PDIA5: variants seen among roughly 807,000 people sequenced by gnomAD.
The protein encoded by PDIA5 is protein disulfide isomerase family A member 5.
In PDIA5, 58 loss-of-function variants were observed where a neutral mutation model predicts 77.6. The ratio of observed to expected loss-of-function variants is 0.75; its 90% CI spans 0.61 to 0.93. PDIA5 has a LOEUF of 0.93. PDIA5 is among the 40% of genes least tolerant of loss of function. The pLI is 0.00. For synonymous variants in PDIA5, 250 were observed against 252.1 expected (o/e 0.99, Z 0.08); for missense variants, 630 against 647.7 (o/e 0.97, Z 0.30).
intron 15 of PDIA5, among the ~76,000 whole-genome samples, chr3:123,160,111 G>A (rs905206680): frequency 2.6e-5 from 4 of 152,098 alleles, no homozygotes; most frequent in African/African-American, 9.7e-5. Flanking sequence ...CAAGGTCGAC[G>A]TTGTCCCCCA....
chr3:123,111,043 T>C (rs1171811541), intron 7 of PDIA5, 39 bp downstream of exon 7: 10 of 1,555,544 alleles, frequency 6.4e-6, no homozygotes, highest in Admixed American at 1.7e-5. Context: ...GCTAGTTGTT[T>C]AGTCTCTTTG....
chr3:123,146,132 G>C lies in PDIA5; in HGVS notation c.1015G>C (p.Val339Leu), dbSNP rs745623299. ...SGVLAAVDAT[V>L]NKALAERFHI... ...TGTCCTTGCAGCTGTCGATGCCACTGTCAACAAGGCCCTGGCAGAAAGATT... is the reference window on the plus strand; with the variant it reads ...TGTCCTTGCAGCTGTCGATGCCACTCTCAACAAGGCCCTGGCAGAAAGATT... The change falls in exon 13 of 17, where the codon GTC (valine) becomes CTC (leucine). Residue 339 changes from valine (V) to leucine (L), a missense_variant. Coordinates refer to ENST00000316218, the MANE Select transcript of PDIA5 (RefSeq NM_006810.4). 8.7e-6 allele frequency: 14 copies of C among 1,614,072 alleles called. No individual in the cohort carries two copies. In the African/African-American group the frequency reaches 1.5e-4, roughly 17 times the overall value.
At chr3:123,136,122 A>G (rs1935497620) in intron 11 of PDIA5, among the ~76,000 whole-genome samples, 1 of 151,964 alleles carries the variant, frequency 6.6e-6, no homozygotes, top group African/African-American at 2.4e-5. Context: ...TTTTGTAGAA[A>G]TGGAGTCTCC....
intron 16 of PDIA5, 106 bp downstream of exon 16, chr3:123,161,561 G>GCTGACT: frequency 8.0e-7 from 1 of 1,256,628 alleles, no homozygotes; most frequent in Non-Finnish European, 1.1e-6. Flanking sequence ...AACTGCAGAA[G>GCTGACT]TCAGCTGGAA....
chr3:123,073,652 T>G (rs1475532153), intron 1 of PDIA5, among the ~76,000 whole-genome samples: 1 of 152,204 alleles, frequency 6.6e-6, no homozygotes, highest in African/African-American at 2.4e-5. Flanking sequence ...AAAAGAGCCT[T>G]TATTCCTCAA....
chr3:123,146,423 T>C lies in PDIA5; in HGVS notation c.1142+164T>C, dbSNP rs535191648. Among the ~76,000 whole-genome samples, 3 of 152,354 alleles carry C rather than the reference T, an allele frequency of 2.0e-5. No homozygotes were observed. In the South Asian group the frequency reaches 6.2e-4, roughly 32 times the overall value. Reference sequence around the variant, plus strand: ...AACCCTAAAACCACCGTTCATATGCTGATCACGTGTCTTGATCAGGTCACT... The same window carrying C: ...AACCCTAAAACCACCGTTCATATGCCGATCACGTGTCTTGATCAGGTCACT... On this transcript the variant is annotated intron_variant, in intron 13 of 16. Coordinates refer to ENST00000316218, the MANE Select transcript of PDIA5 (RefSeq NM_006810.4).
chr3:123,134,167 G>A (rs1935436320), intron 11 of PDIA5, among the ~76,000 whole-genome samples: 1 of 152,130 alleles, frequency 6.6e-6, no homozygotes, highest in Non-Finnish European at 1.5e-5. Flanking sequence ...GGGACTACAG[G>A]TGCACACCGC....
chr3:123,130,398 T>A, intron 10 of PDIA5, 82 bp from the exon 11 acceptor site: 1 of 1,465,378 alleles, frequency 6.8e-7, no homozygotes, highest in Admixed American at 2.2e-5. Flanking sequence ...CATGGGGAGC[T>A]TTGGGTCCAG....
intron 3 of PDIA5, among the ~76,000 whole-genome samples, chr3:123,094,114 G>T (rs570412691): frequency 6.6e-6 from 1 of 152,202 alleles, no homozygotes. Flanking sequence ...TGTGAATTTC[G>T]ATGTGCTCAA....
At chr3:123,141,926 G>A (rs557362128) in intron 11 of PDIA5, among the ~76,000 whole-genome samples, 1 of 152,294 alleles carries the variant, frequency 6.6e-6, no homozygotes, top group African/African-American at 2.4e-5. Context: ...GACAGTGATT[G>A]GCTTGGAGTC....
chr3:123,141,302 G>A (rs1288780692), intron 11 of PDIA5, among the ~76,000 whole-genome samples: 1 of 152,126 alleles, frequency 6.6e-6, no homozygotes, highest in Non-Finnish European at 1.5e-5. Context: ...AGTGGTCAAG[G>A]GAGCCTCTCT....
rs893053122 is a variant in PDIA5, at chr3:123,092,986, G to A, written c.257+544G>A. Among the ~76,000 whole-genome samples the A allele has an allele frequency of 5.3e-5, 8 of 152,178 alleles. No individual in the cohort carries two copies. In the South Asian group the frequency reaches 6.2e-4, roughly 12 times the overall value. On this transcript the variant is annotated intron_variant, in intron 3 of 16. Coordinates refer to ENST00000316218, the MANE Select transcript of PDIA5 (RefSeq NM_006810.4). ...AAAGGTCTTCTAAATCTTTAATGTAGCTATTATTGCCTGAGTCATAAGCCC... is the reference window on the plus strand; with the variant it reads ...AAAGGTCTTCTAAATCTTTAATGTAACTATTATTGCCTGAGTCATAAGCCC...
chr3:123,088,087 A>AC (rs1319897771), intron 1 of PDIA5, among the ~76,000 whole-genome samples: 3 of 152,040 alleles, frequency 2.0e-5, no homozygotes, highest in Non-Finnish European at 4.4e-5. Context: ...CCATCCTCCC[A>AC]CCCTCTGCCG....
chr3:123,088,770 T>C (rs1453710644), intron 1 of PDIA5, among the ~76,000 whole-genome samples: 2 of 152,372 alleles, frequency 1.3e-5, no homozygotes, highest in South Asian at 4.1e-4. Context: ...TTTTTTATGA[T>C]ACCAAATACA....
At chr3:123,083,561 G>T (rs910701147) in intron 1 of PDIA5, among the ~76,000 whole-genome samples, 1 of 152,188 alleles carries the variant, frequency 6.6e-6, no homozygotes, top group Non-Finnish European at 1.5e-5. Flanking sequence ...CCTCTAGAGC[G>T]ATTGACTTCG....
At chr3:123,077,800 A>C (rs965273020) in intron 1 of PDIA5, among the ~76,000 whole-genome samples, 4 of 151,096 alleles carry the variant, frequency 2.6e-5, no homozygotes, top group Admixed American at 6.6e-5. Flanking sequence ...TGCATATTTT[A>C]AAATTAATGT....
Position 123,067,077 on chromosome 3 carries a change from T to A in PDIA5, c.-88T>A, listed in dbSNP as rs1933583236. On this transcript the variant is annotated 5_prime_UTR_variant, in exon 1 of 17. Coordinates refer to ENST00000316218, the MANE Select transcript of PDIA5 (RefSeq NM_006810.4). ...GGGAGCGGCTGGGAAGTGGCCGTGG[T>A]GGTTGGCCGCGGTGGAGCTAGCAGG... 3.7e-6 allele frequency: 4 copies of A among 1,092,758 alleles called. No individual in the cohort carries two copies. Among genetic ancestry groups the A allele is most frequent in the Admixed American group, 8.5e-5 (2 of 23,488 alleles). 67.7% of individuals were successfully genotyped at this position (1,092,758 alleles called of 1,614,324 possible). A position where few individuals can be genotyped will look rare whatever the true frequency, so the allele number is the denominator to read the frequency against.
At chr3:123,092,501 G>C in intron 3 of PDIA5, 59 bp downstream of exon 3, 1 of 1,191,370 alleles carries the variant, frequency 8.4e-7, no homozygotes, top group Non-Finnish European at 1.3e-6. Context: ...TTGGGGCTTT[G>C]ATTGGTGGGG....
chr3:123,085,229 C>G (rs1934106662), intron 1 of PDIA5, among the ~76,000 whole-genome samples: 1 of 152,166 alleles, frequency 6.6e-6, no homozygotes, highest in Non-Finnish European at 1.5e-5. Flanking sequence ...TGAGGGCTTT[C>G]AATGCGCCAG....
Sources: allele counts gnomAD v4.1 joint callset (sites outside exome capture counted in the v4.1 genomes callset), GRCh38; gene constraint gnomAD v4.1.1; transcripts MANE v1.5; gene names NCBI Gene and HGNC (gene_info 2026-07-23, HGNC 2026-07-21).